CRYM: variants seen among roughly 807,000 people sequenced by gnomAD.
The protein encoded by CRYM is crystallin mu, also known as ketimine reductase mu-crystallin.
CRYM carries 18 observed loss-of-function variants against 32.9 expected under a neutral mutation model. The ratio of observed to expected loss-of-function variants is 0.55; its 90% CI spans 0.38 to 0.81. The LOEUF is 0.81. Among genes scored for constraint, CRYM ranks in the 30% least tolerant of loss-of-function variants. The pLI is 0.00. For synonymous variants in CRYM, 153 were observed against 152.4 expected (o/e 1.00, Z -0.03); for missense variants, 337 against 393.5 (o/e 0.86, Z 1.21).
intron 1 of CRYM, among the ~76,000 whole-genome samples, chr16:21,289,727 C>T (rs1960571141): frequency 6.6e-6 from 1 of 152,198 alleles, no homozygotes; most frequent in Non-Finnish European, 1.5e-5. Context: ...GCTGCTGGCA[C>T]AGGTGCCCGG....
chr16:21,263,749 A>G (rs1167285878), intron 5 of CRYM, among the ~76,000 whole-genome samples: 1 of 152,220 alleles, frequency 6.6e-6, no homozygotes, highest in Non-Finnish European at 1.5e-5. Flanking sequence ...AAATGCCTGC[A>G]AGGCCAGGGA....
intron 1 of CRYM, among the ~76,000 whole-genome samples, chr16:21,290,155 G>A (rs145001304): frequency 5.5e-4 from 84 of 152,178 alleles, no homozygotes; most frequent in African/African-American, 1.7e-3. Flanking sequence ...TGGCAATGTC[G>A]GATCCCCTTC....
intron 4 of CRYM, 79 bp from the exon 5 acceptor site, chr16:21,267,816 G>T: frequency 6.9e-7 from 1 of 1,448,170 alleles, no homozygotes; most frequent in Non-Finnish European, 9.7e-7. Context: ...GATGCGGAGG[G>T]AAAGTTGAAC....
chr16:21,258,908 C>T, intron 7 of CRYM, 63 bp from the exon 8 acceptor site: 2 of 1,409,262 alleles, frequency 1.4e-6, no homozygotes, highest in East Asian at 2.3e-5. Flanking sequence ...ACAACCCAGG[C>T]CCCATGGCTG....
chr16:21,272,816 ATTTTTTTT>A (rs60416570), intron 3 of CRYM, among the ~76,000 whole-genome samples: 1 of 42,292 alleles, frequency 2.4e-5, no homozygotes, highest in Non-Finnish European at 4.2e-5. Context: ...TGCCCAGCTA[ATTTTTTTT>A]TTTTTTTTTT....
In CRYM at chr16:21,261,246, G is replaced by A. The variant is rs769306855; in HGVS notation, c.880+8C>T. 1.9e-6 allele frequency: 3 copies of A among 1,610,924 alleles called. No individual in the cohort carries two copies. Among genetic ancestry groups the A allele is most frequent in the Non-Finnish European group, 2.5e-6 (3 of 1,177,316 alleles). ...TTGGATTTGTGCCCAGGGAGCAATG[G>A]ATCTTACCCAAAGACTTGAACACGG... On this transcript the variant is annotated splice_region_variant and intron_variant, in intron 7 of 7. Coordinates refer to ENST00000572914, the MANE Select transcript of CRYM (RefSeq NM_001376256.1).
At chr16:21,301,689 C>T (rs902953717) in intron 1 of CRYM, among the ~76,000 whole-genome samples, 4 of 152,246 alleles carry the variant, frequency 2.6e-5, no homozygotes, top group Non-Finnish European at 2.9e-5. Flanking sequence ...CCTTCCGCAC[C>T]GCTGACTCCT....
intron 2 of CRYM, 91 bp from the exon 3 acceptor site, chr16:21,275,685 T>C: frequency 9.5e-7 from 1 of 1,047,676 alleles, no homozygotes; most frequent in East Asian, 2.4e-5. Flanking sequence ...CTTAGGAAGT[T>C]TTATAGCATC....
upstream of CRYM, among the ~76,000 whole-genome samples, chr16:21,282,825 G>A (rs1465248921): frequency 2.0e-5 from 3 of 152,056 alleles, no homozygotes; most frequent in Non-Finnish European, 4.4e-5. Flanking sequence ...CACTTCTTTT[G>A]AGACCAGAGG....
chr16:21,291,097 T>G (rs897247360), intron 1 of CRYM, among the ~76,000 whole-genome samples: 1 of 152,216 alleles, frequency 6.6e-6, no homozygotes, highest in Non-Finnish European at 1.5e-5. Flanking sequence ...TCTGTTTAAT[T>G]TTATCAACTT....
At chr16:21,283,028 A>G (rs1451047400), upstream of CRYM, among the ~76,000 whole-genome samples, 3 of 152,096 alleles carry the variant, frequency 2.0e-5, no homozygotes, top group African/African-American at 7.2e-5. Context: ...AAGCTGGTGT[A>G]AATCTCTTTT....
chr16:21,295,275 A>G (rs1015961749), intron 1 of CRYM, among the ~76,000 whole-genome samples: 2 of 152,232 alleles, frequency 1.3e-5, no homozygotes, highest in Non-Finnish European at 2.9e-5. Flanking sequence ...ACGAATTTAA[A>G]TTCTCACCAA....
At chr16:21,274,875 G>A (rs558005700) in intron 3 of CRYM, among the ~76,000 whole-genome samples, 42 of 152,240 alleles carry the variant, frequency 2.8e-4, no homozygotes, top group Non-Finnish European at 5.1e-4. Flanking sequence ...CAAAATGTTG[G>A]GATTACAGGC....
intron 1 of CRYM, among the ~76,000 whole-genome samples, chr16:21,287,954 T>C (rs1240154677): frequency 6.6e-6 from 1 of 152,262 alleles, no homozygotes; most frequent in Admixed American, 6.5e-5. Flanking sequence ...CTGTATTCCC[T>C]ATTTGTGGCT....
At chr16:21,298,135 T>C (rs911394907) in intron 1 of CRYM, among the ~76,000 whole-genome samples, 3 of 152,210 alleles carry the variant, frequency 2.0e-5, no homozygotes, top group Non-Finnish European at 4.4e-5. Flanking sequence ...AGAGAACTGA[T>C]AGGTTAAATA....
At chr16:21,300,775 T>C (rs12447154) in intron 1 of CRYM, 2,440 of 152,362 alleles carry the variant, frequency 0.016, 84 homozygotes, top group East Asian at 0.079. Flanking sequence ...GTATCCGGCA[T>C]TGCAGGGAAG....
chr16:21,258,571 G>A lies in CRYM; in HGVS notation c.*210C>T. 1 of 601,914 alleles carries A rather than the reference G, an allele frequency of 1.7e-6. No homozygotes were observed. The highest frequency in any genetic ancestry group is 3.0e-6 in the Non-Finnish European group (1 of 338,186). 37.3% of individuals were successfully genotyped at this position (601,914 alleles called of 1,614,324 possible). A position where few individuals can be genotyped will look rare whatever the true frequency, so the allele number is the denominator to read the frequency against. ...CAGGGAAATATAAAGGGAAATGAAT[G>A]CTATTATAACTTGGTAGAACAGAAG... On this transcript the variant is annotated 3_prime_UTR_variant, in exon 8 of 8. Transcript: ENST00000572914.
rs2093355705 is a variant in CRYM, at chr16:21,262,129, C to T, written c.703G>A (p.Glu235Lys). 1 of 1,614,030 alleles carries T rather than the reference C, an allele frequency of 6.2e-7. No individual in the cohort carries two copies. Among genetic ancestry groups the T allele is most frequent in the Non-Finnish European group, 8.5e-7 (1 of 1,180,030 alleles). Residue 235 changes from glutamate (E) to lysine (K), a missense_variant, in exon 6 of 8, where the codon GAA becomes AAA. By Grantham distance (56) the Glu-to-Lys change is moderately conservative. Coordinates refer to ENST00000572914, the MANE Select transcript of CRYM (RefSeq NM_001376256.1). ...AVGASRPDWR[E>K]LDDELMKEAV... ...TCTTTCATGAGCTCATCATCCAGTTCTCTCCAGTCAGGTCTGCTGGCTCCA... is the reference window on the plus strand; with the variant it reads ...TCTTTCATGAGCTCATCATCCAGTTTTCTCCAGTCAGGTCTGCTGGCTCCA...
chr16:21,268,623 G>T (rs1430058409), intron 4 of CRYM: 1 of 152,158 alleles, frequency 6.6e-6, no homozygotes, highest in Admixed American at 6.5e-5. Context: ...GGAAGTGCAT[G>T]GTTAACCTCT....
Sources: allele counts gnomAD v4.1 joint callset (sites outside exome capture counted in the v4.1 genomes callset), GRCh38; gene constraint gnomAD v4.1.1; transcripts MANE v1.5; gene names NCBI Gene and HGNC (gene_info 2026-07-23, HGNC 2026-07-21).